The following TMEM175 variants were observed in gnomAD, a reference collection of about 807,000 sequenced individuals.
TMEM175 encodes endosomal/lysosomal proton channel TMEM175.
In TMEM175, 36 loss-of-function variants were observed where a neutral mutation model predicts 36.5. The ratio of observed to expected loss-of-function variants is 0.99; its 90% confidence interval spans 0.76 to 1.30. The LOEUF is 1.30. Among genes scored for constraint, TMEM175 ranks in the 50% most tolerant of loss-of-function variants. The pLI, the probability that TMEM175 is intolerant of heterozygous loss-of-function variation, is 0.00. For missense variants in TMEM175, 705 were observed against 692.8 expected, an observed-to-expected ratio of 1.02 and a Z score of -0.20; for synonymous variants, 339 against 313.4, an observed-to-expected ratio of 1.08 and a Z score of -0.86.
At chr4:947,918 C>T (rs564495576) in intron 2 of TMEM175, 26 bp downstream of exon 2, 2 of 1,613,880 alleles carry the variant, frequency 1.2e-6, no homozygotes, top group East Asian at 2.2e-5. Flanking sequence ...CTGCTTAGGC[C>T]TGCCCCACCC....
intron 8 of TMEM175, 45 bp from the exon 9 acceptor site, chr4:955,360 C>A: frequency 6.6e-7 from 1 of 1,517,564 alleles, no homozygotes; most frequent in Non-Finnish European, 9.1e-7. Flanking sequence ...GGCCTGGCCT[C>A]GGACCCCTGT....
In TMEM175 at chr4:950,423, G is replaced by C; in HGVS notation, c.195G>C (p.Gln65His). The change falls in exon 4 of 11, where the codon CAG (glutamine) becomes CAC (histidine). Residue 65 changes from glutamine (Q) to histidine (H), a missense_variant and splice_region_variant. By Grantham distance (24) the Gln-to-His change is conservative. Coordinates refer to ENST00000264771, the MANE Select transcript of TMEM175 (RefSeq NM_032326.4). ...VTHTEISPEQ[Q>H]FDRSVQRLLA... is the part of the protein sequence containing the mutation. ...ACAGCAGTGCTCTTGTATTCCAGCA[G>C]TTCGACAGAAGTGTACAGAGGCTTC... The C allele has an allele frequency of 9.3e-6, 15 of 1,612,968 alleles. No homozygotes were observed. The highest frequency in any genetic ancestry group is 1.3e-5 in the Non-Finnish European group (15 of 1,178,988).
chr4:956,534 C>T, intron 10 of TMEM175: 1 of 1,150,508 alleles, frequency 8.7e-7, no homozygotes, highest in Non-Finnish European at 1.1e-6. Flanking sequence ...CCTCCGCCTC[C>T]CAGGTTCAAG....
chr4:943,150 C>G (rs1428776517), intron 1 of TMEM175, among the ~76,000 whole-genome samples: 2 of 151,734 alleles, frequency 1.3e-5, no homozygotes, highest in African/African-American at 4.9e-5. Context: ...ATGAAAGATG[C>G]CTAATTAGTC....
At position 947,784 on chromosome 4, in the gene TMEM175, G is replaced by A; in HGVS notation, c.45G>A (p.Gly15=). Residue 15 remains glycine, a synonymous_variant, in exon 2 of 11, where the codon GGG becomes GGA. Coordinates refer to ENST00000264771, the MANE Select transcript of TMEM175 (RefSeq NM_032326.4). ...RTPEQALDTP[G]DCPPGRRDED... ...CAGAGCAGGCACTGGATACACCGGG[G>A]GACTGCCCCCCAGGCAGGAGAGACG... 2 of 1,612,848 alleles carry A rather than the reference G, an allele frequency of 1.2e-6. No individual in the cohort carries two copies. Among genetic ancestry groups the A allele is most frequent in the African/African-American group, 1.3e-5 (1 of 75,056 alleles).
intron 1 of TMEM175, among the ~76,000 whole-genome samples, chr4:936,617 G>A (rs370307846): frequency 2.0e-5 from 3 of 151,688 alleles, no homozygotes; most frequent in East Asian, 1.9e-4. Context: ...TACACTAAAC[G>A]AACAAATTCC....
intron 1 of TMEM175, among the ~76,000 whole-genome samples, chr4:944,828 C>T (rs1480018259): frequency 2.0e-5 from 3 of 152,152 alleles, no homozygotes; most frequent in South Asian, 2.1e-4. Flanking sequence ...GGGCTGGCTG[C>T]GGTGGCTCTC....
chr4:957,903 C>G lies in TMEM175; in HGVS notation c.922C>G (p.Pro308Ala). 3.7e-6 allele frequency: 6 copies of G among 1,612,856 alleles called. No homozygotes were observed. Among genetic ancestry groups the G allele is most frequent in the Non-Finnish European group, 4.2e-6 (5 of 1,179,968 alleles). ...CGTGGCCGCCCTGAGTGCGACCGGG[C>G]CGCGCTTCCTGGCGTACTTCGGCTC... ...SLVAALSATG[P>A]RFLAYFGSFA... Residue 308 changes from proline to alanine, a missense_variant, in exon 11 of 11, where the codon CCG becomes GCG. By Grantham distance (27) the Pro-to-Ala change is conservative. Transcript: ENST00000264771.
chr4:958,172 G>T lies in TMEM175; in HGVS notation c.1191G>T (p.Ala397=), dbSNP rs1334261224. The T allele has an allele frequency of 6.2e-7, 1 of 1,603,364 alleles. No individual in the cohort carries two copies. ...SIFQLAMWTT[A]LLHQAETLQP... ...TCCAGCTGGCCATGTGGACCACGGCGCTGCTGCACCAGGCGGAGACGCTGC... is the reference window on the plus strand; with the variant it reads ...TCCAGCTGGCCATGTGGACCACGGCTCTGCTGCACCAGGCGGAGACGCTGC... The change falls in exon 11 of 11, where the codon GCG becomes GCT. Residue 397 remains alanine (A), a synonymous_variant. Coordinates refer to ENST00000264771, the MANE Select transcript of TMEM175 (RefSeq NM_032326.4).
At chr4:950,019 A>G (rs1728662910) in intron 3 of TMEM175, among the ~76,000 whole-genome samples, 1 of 152,090 alleles carries the variant, frequency 6.6e-6, no homozygotes, top group Non-Finnish European at 1.5e-5. Flanking sequence ...CCCCTCCCAC[A>G]TGCGGATACA....
chr4:954,943 G>A (rs977482420), intron 8 of TMEM175, among the ~76,000 whole-genome samples: 13 of 152,054 alleles, frequency 8.5e-5, no homozygotes, highest in African/African-American at 1.2e-4. Flanking sequence ...TAATTGGGTC[G>A]TCCTTTTATT....
At chr4:945,040 C>A (rs894527453) in intron 1 of TMEM175, among the ~76,000 whole-genome samples, 1 of 152,116 alleles carries the variant, frequency 6.6e-6, no homozygotes, top group African/African-American at 2.4e-5. Flanking sequence ...GAGGTCGAGG[C>A]TGCAGTGAGC....
chr4:932,545 T>C lies in TMEM175; in HGVS notation c.-32+5T>C. On this transcript the variant is annotated splice_donor_5th_base_variant and intron_variant, in intron 1 of 10. Coordinates refer to ENST00000264771, the MANE Select transcript of TMEM175 (RefSeq NM_032326.4). This position sits in a 1 kb window ranked among gnomAD's most constrained non-coding sequence, Gnocchi z 4.0. ...GCCGAGGCGATTCCCGCCCAGGTAG[T>C]TCAGCGCCCCAGTCCAGCTCCCGGT... is the stretch of plus-strand genomic sequence containing the variant. 2 of 450,264 alleles carry C rather than the reference T, an allele frequency of 4.4e-6. No homozygotes were observed. Among genetic ancestry groups the C allele is most frequent in the Admixed American group, 8.8e-5 (2 of 22,622 alleles). 27.9% of individuals were successfully genotyped at this position (450,264 alleles called of 1,614,324 possible).
chr4:951,842 A>T (rs940846962), intron 6 of TMEM175, 125 bp downstream of exon 6: 1 of 1,111,258 alleles, frequency 9.0e-7, no homozygotes, highest in Non-Finnish European at 1.4e-6. Flanking sequence ...AGAAGAGAGA[A>T]GGTTCTGGGG....
intron 10 of TMEM175, chr4:956,559 C>T (rs751816871): frequency 5.5e-5 from 54 of 982,684 alleles, no homozygotes; most frequent in South Asian, 4.1e-4. Context: ...TCTCCTGCCT[C>T]AGCCTCCCAA....
chr4:948,271 G>C, intron 3 of TMEM175, 117 bp downstream of exon 3: 3 of 1,599,124 alleles, frequency 1.9e-6, no homozygotes, highest in South Asian at 2.2e-5. Context: ...AGGCTTAGGA[G>C]GCAGAGGCGG....
chr4:947,125 G>A lies in TMEM175; in HGVS notation c.-31-584G>A, dbSNP rs181914613. Among the ~76,000 whole-genome samples, 133 of 140,792 alleles carry A rather than the reference G, an allele frequency of 9.4e-4. 1 individual carries two copies. The highest frequency in any genetic ancestry group is 1.3e-3 in the African/African-American group (50 of 37,342). The allele number at this position is 140,792 out of a possible 152,430, so 92.4% of individuals were successfully genotyped here. A position where few individuals can be genotyped will look rare whatever the true frequency, so the allele number is the denominator to read the frequency against. ...GCATGCGTGCACGGGCGCCGAGACCGGGGGAGAGCGCAGCCCCTGTAGGAG... is the reference window on the plus strand; with the variant it reads ...GCATGCGTGCACGGGCGCCGAGACCAGGGGAGAGCGCAGCCCCTGTAGGAG... On this transcript the variant is annotated intron_variant, in intron 1 of 10. Coordinates refer to ENST00000264771, the MANE Select transcript of TMEM175 (RefSeq NM_032326.4).
rs1295133689 is a variant in TMEM175, at chr4:950,547, A to G, written c.290+29A>G. On this transcript the variant is annotated intron_variant, in intron 4 of 10. Transcript: ENST00000264771. ...GGGGCCCGGGCGCTTCCAGCGGTCC[A>G]TAGCTGCTCTCAAGGTTCCCGTACC... 4 of 1,554,370 alleles carry G rather than the reference A, an allele frequency of 2.6e-6. No individual in the cohort carries two copies. In the Admixed American group the frequency reaches 5.0e-5, roughly 20 times the overall value.
intron 1 of TMEM175, among the ~76,000 whole-genome samples, chr4:945,402 C>T (rs760599776): frequency 1.3e-5 from 2 of 152,154 alleles, no homozygotes; most frequent in African/African-American, 2.4e-5. Context: ...CTGTCCCCAC[C>T]GTTCATTCCA....
Sources: gnomAD v4.1 joint callset for allele counts (sites outside exome capture counted in the v4.1 genomes callset) on GRCh38, gnomAD v4.1.1 for gene constraint, Gnocchi (gnomAD v3.1) non-coding constraint, MANE v1.5 for transcripts, NCBI Gene and HGNC (gene_info 2026-07-23, HGNC 2026-07-21) for gene names.